Variants in TFAP2E observed in about 807,000 individuals in gnomAD.
TFAP2E encodes transcription factor AP-2-epsilon.
A neutral mutation model predicts 37.9 loss-of-function variants in TFAP2E; 30 were observed. That is an observed-to-expected ratio of 0.79 (90% CI 0.59 to 1.07). TFAP2E has a LOEUF of 1.07. TFAP2E is among the 50% of genes least tolerant of loss of function. TFAP2E has a pLI of 0.00. For missense variants in TFAP2E, 567 were observed against 637.9 expected, an observed-to-expected ratio of 0.89 and a Z score of 1.20; for synonymous variants, 318 against 295.8, an observed-to-expected ratio of 1.08 and a Z score of -0.77.
intron 3 of TFAP2E, among the ~76,000 whole-genome samples, chr1:35,587,653 A>AAAAGAAAG (rs1553121944): frequency 2.0e-5 from 3 of 147,788 alleles, no homozygotes; most frequent in African/African-American, 7.8e-5. Context: ...AAAAAAAAAA[A>AAAAGAAAG]AAAGAAAGAA....
At chr1:35,580,887 C>T (rs1649333423) in intron 3 of TFAP2E, among the ~76,000 whole-genome samples, 1 of 152,096 alleles carries the variant, frequency 6.6e-6, no homozygotes, top group Non-Finnish European at 1.5e-5. Flanking sequence ...GTAAAATTTA[C>T]ATACCTAAAA....
intron 3 of TFAP2E, among the ~76,000 whole-genome samples, chr1:35,579,079 CAAAAAAAAAAAAAAAAA>C (rs578084271): frequency 5.9e-5 from 1 of 16,848 alleles, no homozygotes; most frequent in East Asian, 1.4e-3. Flanking sequence ...GAGACTATCT[CAAAAAAAAAAAAAAAAA>C]AAAAAAAAAA....
chr1:35,590,199 A>T lies in TFAP2E; in HGVS notation c.904+151A>T, dbSNP rs914821920. The T allele has an allele frequency of 3.9e-6, 3 of 764,226 alleles. No homozygotes were observed. In the Admixed American group the frequency reaches 6.6e-5, roughly 17 times the overall value. 47.3% of individuals were successfully genotyped at this position (764,226 alleles called of 1,614,324 possible). On this transcript the variant is annotated intron_variant, in intron 5 of 6. Transcript: ENST00000373235. The surrounding 1 kb of genome is among the most constrained non-coding windows in gnomAD (Gnocchi z 6.2). ...TCTGTGTGCGTATTCTCTGTCATGT[A>T]TAAGGTGTGTTTGTGATTTCTGTGT...
In TFAP2E at chr1:35,590,740, G is replaced by A; in HGVS notation, c.1011G>A (p.Glu337=). ...GCCGACAGCACGCTGACCCGGGGGAGCTGCACAGCCGCAAGAGCATGCTGC... is the reference window on the plus strand; with the variant it reads ...GCCGACAGCACGCTGACCCGGGGGAACTGCACAGCCGCAAGAGCATGCTGC... The part of the protein sequence containing the change: ...YLCRQHADPG[E]LHSRKSMLLA... The change falls in exon 6 of 7, where the codon GAG becomes GAA. Residue 337 remains glutamate (E), a synonymous_variant. Transcript: ENST00000373235. The surrounding 1 kb of genome is among the most constrained non-coding windows in gnomAD (Gnocchi z 6.2). 3 of 1,518,946 alleles carry A rather than the reference G, an allele frequency of 2.0e-6. No individual in the cohort carries two copies. The highest frequency in any genetic ancestry group is 2.7e-6 in the Non-Finnish European group (3 of 1,121,936). The allele number at this position is 1,518,946 out of a possible 1,614,324, so 94.1% of individuals were successfully genotyped here. A position where few individuals can be genotyped will look rare whatever the true frequency, so the allele number is the denominator to read the frequency against.
Position 35,590,090 on chromosome 1 carries a change from G to T in TFAP2E, c.904+42G>T. On this transcript the variant is annotated intron_variant, in intron 5 of 6. Coordinates refer to ENST00000373235, the MANE Select transcript of TFAP2E (RefSeq NM_178548.4). The surrounding 1 kb of genome is among the most constrained non-coding windows in gnomAD (Gnocchi z 6.2). Reference sequence around the variant, plus strand: ...GGTGGGCATGGGAGTGGATGTGAGGGCAAGTGAGTTGTCTGGTGTGACTGT... The same window carrying T: ...GGTGGGCATGGGAGTGGATGTGAGGTCAAGTGAGTTGTCTGGTGTGACTGT... 6.3e-7 allele frequency: 1 copy of T among 1,584,058 alleles called. No homozygotes were observed. The highest frequency in any genetic ancestry group is 1.1e-5 in the South Asian group (1 of 90,060).
At chr1:35,580,425 A>G (rs1220723609) in intron 3 of TFAP2E, among the ~76,000 whole-genome samples, 1 of 152,106 alleles carries the variant, frequency 6.6e-6, no homozygotes, top group Admixed American at 6.6e-5. Context: ...GTGTAGTCCA[A>G]GGAACCACAT....
rs892987370 is a variant in TFAP2E at position 35,573,966 on chromosome 1, C to T, written c.67C>T (p.Arg23Cys). The T allele has an allele frequency of 5.9e-5, 86 of 1,469,944 alleles. No homozygotes were observed. The highest frequency in any genetic ancestry group is 7.3e-5 in the Non-Finnish European group (82 of 1,123,794). The allele number at this position is 1,469,944 out of a possible 1,614,324, so 91.1% of individuals were successfully genotyped here. A position where few individuals can be genotyped will look rare whatever the true frequency, so the allele number is the denominator to read the frequency against. ...DGLGAAAGGARLSSLPQAAYG... is the reference protein window; with the variant it reads ...DGLGAAAGGACLSSLPQAAYG... ...GCTGGGAGCAGCTGCCGGCGGGGCCCGCCTGTCGTCTCTGCCCCAGGCGGC... is the reference window on the plus strand; with the variant it reads ...GCTGGGAGCAGCTGCCGGCGGGGCCTGCCTGTCGTCTCTGCCCCAGGCGGC... Residue 23 changes from arginine to cysteine, a missense_variant, in exon 2 of 7, where the codon CGC (arginine) becomes TGC (cysteine). By Grantham distance (180) the Arg-to-Cys change is radical (BLOSUM62 -3). Around this residue, in one of 3 missense-constraint regions of TFAP2E, gnomAD observed 312 missense variants for 317.4 expected, o/e 0.98. Transcript: ENST00000373235. This position sits in a 1 kb window ranked among gnomAD's most constrained non-coding sequence, Gnocchi z 5.9.
chr1:35,574,633 C>G, intron 2 of TFAP2E: 1 of 761,162 alleles, frequency 1.3e-6, no homozygotes, highest in South Asian at 2.0e-5. Flanking sequence ...CAGCAACCCT[C>G]GGCAGGGACC....
In TFAP2E at chr1:35,577,796, C is replaced by G. The variant is rs539802448; in HGVS notation, c.562+2796C>G. On this transcript the variant is annotated intron_variant, in intron 3 of 6. Transcript: ENST00000373235. The surrounding 1 kb of genome is among the most constrained non-coding windows in gnomAD (Gnocchi z 6.3). ...CCGGGAGGGGCGGCCAGGCGAAGCC[C>G]CGGCGCTTTACCACACACTTCCGGG... 1 of 234,946 alleles carries G rather than the reference C, an allele frequency of 4.3e-6. No individual in the cohort carries two copies. The highest frequency in any genetic ancestry group is 4.7e-5 in the South Asian group (1 of 21,398). The allele number at this position is 234,946 out of a possible 1,614,324, so 14.6% of individuals were successfully genotyped here.
At chr1:35,578,260 TA>T (rs1389655091) in intron 3 of TFAP2E, among the ~76,000 whole-genome samples, 1 of 151,896 alleles carries the variant, frequency 6.6e-6, no homozygotes, top group Non-Finnish European at 1.5e-5. Flanking sequence ...CCAGACAGGT[TA>T]AAAAGGTTAC....
Position 35,593,826 on chromosome 1 carries a change from A to G in TFAP2E, c.1047-568A>G, listed in dbSNP as rs76541332. Reference sequence around the variant, plus strand: ...TGGCTGCAAACTAGAGCTAGGTTCAAATCCCAGCTCGGTCACCTTGACAGG... The same window carrying G: ...TGGCTGCAAACTAGAGCTAGGTTCAGATCCCAGCTCGGTCACCTTGACAGG... On this transcript the variant is annotated intron_variant, in intron 6 of 6. Coordinates refer to ENST00000373235, the MANE Select transcript of TFAP2E (RefSeq NM_178548.4). Among the ~76,000 whole-genome samples the G allele has an allele frequency of 5.7e-3, 873 of 152,340 alleles. 7 individuals are homozygous for G. The highest frequency in any genetic ancestry group is 0.02 in the African/African-American group (830 of 41,576).
Position 35,589,834 on chromosome 1 carries a change from TG to T in TFAP2E, c.786-94del, listed in dbSNP as rs1165223981. On this transcript the variant is annotated intron_variant, in intron 4 of 6. Coordinates refer to ENST00000373235, the MANE Select transcript of TFAP2E (RefSeq NM_178548.4). ...ACCAATCCCAAACCTCAACAGGGGCTGGTGGAGGCAACAAGGCCCTTTGGCA... is the reference window on the plus strand; with the variant it reads ...ACCAATCCCAAACCTCAACAGGGGCTGTGGAGGCAACAAGGCCCTTTGGCA... 1.0e-5 allele frequency: 13 copies of T among 1,252,874 alleles called. No individual in the cohort carries two copies. The East Asian group carries it at 3.1e-4, about 30-fold the overall frequency. The allele number at this position is 1,252,874 out of a possible 1,614,324, so 77.6% of individuals were successfully genotyped here.
At chr1:35,587,743 G>T (rs11264178) in intron 3 of TFAP2E, among the ~76,000 whole-genome samples, 1 of 151,850 alleles carries the variant, frequency 6.6e-6, no homozygotes, top group Non-Finnish European at 1.5e-5. Context: ...TGGGGAGGGG[G>T]TATAGGGCCT....
At chr1:35,576,445 G>A (rs1021951937) in intron 3 of TFAP2E, among the ~76,000 whole-genome samples, 2 of 152,146 alleles carry the variant, frequency 1.3e-5, no homozygotes, top group Non-Finnish European at 2.9e-5. Context: ...CCTGAAGAAA[G>A]AGATCCGTCT....
rs1003548929 is a variant in TFAP2E at position 35,594,867 on chromosome 1, G to T, written c.*191G>T. 8.0e-6 allele frequency: 6 copies of T among 748,592 alleles called. No individual in the cohort carries two copies. The highest frequency in any genetic ancestry group is 5.8e-5 in the Admixed American group (2 of 34,416). The allele number at this position is 748,592 out of a possible 1,614,324, so 46.4% of individuals were successfully genotyped here. Reference sequence around the variant, plus strand: ...GTGGCCTCTCTGTGGTGGTGTGTTGGTAAGTTAAGGGCCCAGGTATTTGTC... The same window carrying T: ...GTGGCCTCTCTGTGGTGGTGTGTTGTTAAGTTAAGGGCCCAGGTATTTGTC... On this transcript the variant is annotated 3_prime_UTR_variant, in exon 7 of 7. Coordinates refer to ENST00000373235, the MANE Select transcript of TFAP2E (RefSeq NM_178548.4).
rs1282444738 is a variant in TFAP2E, at chr1:35,577,456, C to T, written c.562+2456C>T. On this transcript the variant is annotated intron_variant, in intron 3 of 6. Coordinates refer to ENST00000373235, the MANE Select transcript of TFAP2E (RefSeq NM_178548.4). This position sits in a 1 kb window ranked among gnomAD's most constrained non-coding sequence, Gnocchi z 6.3. ...TCCTGCCCCACAGACCTTCGGCCTCCGCCGAGTGCGGTACTGGAGCCTGCC... is the reference window on the plus strand; with the variant it reads ...TCCTGCCCCACAGACCTTCGGCCTCTGCCGAGTGCGGTACTGGAGCCTGCC... The T allele has an allele frequency of 1.5e-5, 7 of 456,660 alleles. No homozygotes were observed. In the East Asian group the frequency reaches 4.2e-4, roughly 27 times the overall value. 28.3% of individuals were successfully genotyped at this position (456,660 alleles called of 1,614,324 possible). A position where few individuals can be genotyped will look rare whatever the true frequency, so the allele number is the denominator to read the frequency against.
Position 35,588,635 on chromosome 1 carries a change from G to A in TFAP2E, c.785+83G>A. 2 of 1,375,884 alleles carry A rather than the reference G, an allele frequency of 1.5e-6. No homozygotes were observed. The highest frequency in any genetic ancestry group is 2.3e-5 in the Admixed American group (1 of 43,798). The allele number at this position is 1,375,884 out of a possible 1,614,324, so 85.2% of individuals were successfully genotyped here. On this transcript the variant is annotated intron_variant, in intron 4 of 6. Coordinates refer to ENST00000373235, the MANE Select transcript of TFAP2E (RefSeq NM_178548.4). This position sits in a 1 kb window ranked among gnomAD's most constrained non-coding sequence, Gnocchi z 5.1. ...TCTCAAGGCATCAGAGAGGAGGCCA[G>A]TCTCACCTAGGCCCTCTGCCTCAGT...
At position 35,574,170 on chromosome 1, in the gene TFAP2E, G is replaced by C. The variant is rs1649096370; in HGVS notation, c.271G>C (p.Ala91Pro). The C allele has an allele frequency of 7.1e-7, 1 of 1,416,922 alleles. No homozygotes were observed. Among genetic ancestry groups the C allele is most frequent in the Admixed American group, 2.6e-5 (1 of 38,492 alleles). 87.8% of individuals were successfully genotyped at this position (1,416,922 alleles called of 1,614,324 possible). The change falls in exon 2 of 7, where the codon GCG becomes CCG. Residue 91 changes from alanine (A) to proline (P), a missense_variant. Ala to Pro is a conservative substitution (Grantham distance 27, BLOSUM62 -1). This residue lies in a region of TFAP2E where 312 missense variants were observed against 317.4 expected (regional missense o/e 0.98). Transcript: ENST00000373235. ...CCCATATGGCGGCCTGGCGCCCCTG[G>C]CGCAGCCGCAGCCTCCTCAGGCCGC... ...GDPYGGLAPL[A>P]QPQPPQAAWA...
chr1:35,594,411 T>C lies in TFAP2E; in HGVS notation c.1064T>C (p.Phe355Ser). The change falls in exon 7 of 7, where the codon TTT (phenylalanine) becomes TCT (serine). Residue 355 changes from phenylalanine (F) to serine (S), a missense_variant. By Grantham distance (155) the Phe-to-Ser change is radical (BLOSUM62 -2). Around this residue, in one of 3 missense-constraint regions of TFAP2E, gnomAD observed 252 missense variants for 302.6 expected, o/e 0.83. Transcript: ENST00000373235. ...CGCACCAGGCAGATCTGCAAGGAGT[T>C]TGCAGACTTGATGGCTCAGGACCGC... ...LLAAKQICKE[F>S]ADLMAQDRSP... 3 of 1,613,676 alleles carry C rather than the reference T, an allele frequency of 1.9e-6. No homozygotes were observed. Among genetic ancestry groups the C allele is most frequent in the South Asian group, 1.1e-5 (1 of 91,050 alleles).
Sources: gnomAD v4.1 joint callset for allele counts (sites outside exome capture counted in the v4.1 genomes callset) on GRCh38, gnomAD v4.1.1 for gene constraint, gnomAD v4.1.1 regional missense constraint, Gnocchi (gnomAD v3.1) non-coding constraint, MANE v1.5 for transcripts, NCBI Gene and HGNC (gene_info 2026-07-23, HGNC 2026-07-21) for gene names.